ATP11C: variants seen among roughly 807,000 people sequenced by gnomAD.
ATP11C encodes the protein ATPase phospholipid transporting 11C (ATP11C blood group).
Under a neutral mutation model 97.4 loss-of-function variants are expected in ATP11C, and 36 were observed. That is an observed-to-expected ratio of 0.37 (90% CI 0.28 to 0.49). The LOEUF is 0.49. Among genes scored for constraint, ATP11C ranks in the 20% least tolerant of loss-of-function variants. ATP11C has a pLI of 0.98. For synonymous variants in ATP11C, 275 were observed against 290.9 expected, an observed-to-expected ratio of 0.95 and a Z score of 0.56; for missense variants, 730 against 824.6, an observed-to-expected ratio of 0.89 and a Z score of 1.40.
intron 1 of ATP11C, among the ~76,000 whole-genome samples, chrX:139,861,649 G>A (rs1276759216): frequency 9.0e-6 from 1 of 110,584 alleles, no homozygotes; most frequent in East Asian, 2.9e-4. Context: ...AAAAAGGAGC[G>A]AAGCCAAAAT....
At chrX:139,796,249 T>C (rs2082792569) in intron 12 of ATP11C, 24 bp downstream of exon 12, 1 of 1,093,774 alleles carries the variant, frequency 9.1e-7, no homozygotes, top group East Asian at 3.1e-5. Flanking sequence ...TGACAAATTA[T>C]TTTAAGTAAA....
intron 1 of ATP11C, among the ~76,000 whole-genome samples, chrX:139,887,642 GA>G (rs1385376585): frequency 9.1e-6 from 1 of 109,401 alleles, no homozygotes; most frequent in Non-Finnish European, 1.9e-5. Flanking sequence ...GACAACACAA[GA>G]CTGAAAAATG....
At chrX:139,908,608 G>A (rs2085020296) in intron 1 of ATP11C, among the ~76,000 whole-genome samples, 1 of 112,105 alleles carries the variant, frequency 8.9e-6, no homozygotes, top group Non-Finnish European at 1.9e-5. Context: ...ATGTTGGGGT[G>A]GATATGAGTT....
At chrX:139,911,296 C>T (rs1427316753) in intron 1 of ATP11C, among the ~76,000 whole-genome samples, 1 of 110,718 alleles carries the variant, frequency 9.0e-6, no homozygotes, top group Non-Finnish European at 1.9e-5. Flanking sequence ...AAAGATAACC[C>T]AATAGAAAAT....
chrX:139,740,150 A>T (rs950812269), intron 27 of ATP11C, among the ~76,000 whole-genome samples: 4 of 112,016 alleles, frequency 3.6e-5, no homozygotes, highest in African/African-American at 1.3e-4. Flanking sequence ...GAAATCTTAC[A>T]CTATGGCTTG....
At chrX:139,856,676 A>G (rs2084094890) in intron 1 of ATP11C, among the ~76,000 whole-genome samples, 1 of 112,456 alleles carries the variant, frequency 8.9e-6, no homozygotes, top group Admixed American at 9.4e-5. Context: ...TACCAGATCA[A>G]TTTAAAGCCC....
At chrX:139,910,589 G>C (rs1569490837) in intron 1 of ATP11C, among the ~76,000 whole-genome samples, 1 of 106,684 alleles carries the variant, frequency 9.4e-6, no homozygotes, top group African/African-American at 3.5e-5. Context: ...CTGGGTGACA[G>C]AGTGAGACTC....
chrX:139,760,337 T>G (rs901796061), intron 22 of ATP11C, among the ~76,000 whole-genome samples: 2 of 105,510 alleles, frequency 1.9e-5, no homozygotes, highest in Admixed American at 1.9e-4. Context: ...TCCACAGTGT[T>G]TGGCCTGGCT....
At chrX:139,760,047 C>G (rs1017358058) in intron 22 of ATP11C, among the ~76,000 whole-genome samples, 1 of 111,684 alleles carries the variant, frequency 9.0e-6, no homozygotes, top group African/African-American at 3.3e-5. Flanking sequence ...TTACTGGGTG[C>G]AAGGCCCAAA....
At chrX:139,812,770 T>G (rs1313571096) in intron 5 of ATP11C, among the ~76,000 whole-genome samples, 1 of 111,367 alleles carries the variant, frequency 9.0e-6, no homozygotes, top group Non-Finnish European at 1.9e-5. Context: ...TCCACCCAAC[T>G]TGGCCTCCCA....
Position 139,769,260 on chromosome X carries a change from A to G in ATP11C, c.2217-826T>C, listed in dbSNP as rs185216077. 2.2e-3 allele frequency among the ~76,000 whole-genome samples: 182 copies of G among 81,361 alleles called. 1 individual carries two copies. The highest frequency in any genetic ancestry group is 6.8e-3 in the African/African-American group (156 of 22,837). 70.7% of individuals were successfully genotyped at this position (81,361 alleles called of 115,157 possible). A position where few individuals can be genotyped will look rare whatever the true frequency, so the allele number is the denominator to read the frequency against. Reference sequence around the variant, plus strand: ...TCCCTAGCAATATAGGGAAAAGACAAATGGCTTTGGGGCAAACATACATAT... The same window carrying G: ...TCCCTAGCAATATAGGGAAAAGACAGATGGCTTTGGGGCAAACATACATAT... On this transcript the variant is annotated intron_variant, in intron 19 of 29. Coordinates refer to ENST00000682941, the MANE Select transcript of ATP11C (RefSeq NM_001353812.2).
chrX:139,780,522 A>C (rs1171138392), intron 18 of ATP11C, among the ~76,000 whole-genome samples: 1 of 110,487 alleles, frequency 9.1e-6, no homozygotes, highest in Non-Finnish European at 1.9e-5. Context: ...AAAAAAAAAA[A>C]CCCTGAGAAC....
At chrX:139,744,815 A>G (rs2081645871) in intron 25 of ATP11C, among the ~76,000 whole-genome samples, 1 of 111,725 alleles carries the variant, frequency 9.0e-6, no homozygotes, top group Admixed American at 9.5e-5. Flanking sequence ...TATGATTAAT[A>G]ATTTTCATGG....
chrX:139,904,325 C>T (rs2084941742), intron 1 of ATP11C, among the ~76,000 whole-genome samples: 1 of 109,937 alleles, frequency 9.1e-6, no homozygotes, highest in African/African-American at 3.3e-5. Context: ...GTCGGGAGTT[C>T]GAGATCAGCC....
intron 19 of ATP11C, among the ~76,000 whole-genome samples, chrX:139,773,719 T>C (rs764692132): frequency 8.9e-6 from 1 of 112,431 alleles, no homozygotes; most frequent in African/African-American, 3.2e-5. Flanking sequence ...CACAGCCTCA[T>C]GAATGTGGGC....
Position 139,803,685 on chromosome X carries a change from C to CTTTTTTTTTTTTTTTTTT in ATP11C, c.555+768_555+785dup, listed in dbSNP as rs140315105. Among the ~76,000 whole-genome samples, 3 of 38,265 alleles carry CTTTTTTTTTTTTTTTTTT rather than the reference C, an allele frequency of 7.8e-5. 1 individual carries two copies. Among genetic ancestry groups the CTTTTTTTTTTTTTTTTTT allele is most frequent in the African/African-American group, 3.1e-4 (3 of 9,558 alleles). The allele number at this position is 38,265 out of a possible 115,157, so 33.2% of individuals were successfully genotyped here. ...AAACATTTTCCAAACTACACCCTATCTTTTTTTTTTTTTTTTTTTTTTTTT... is the reference window on the plus strand; with the variant it reads ...AAACATTTTCCAAACTACACCCTATCTTTTTTTTTTTTTTTTTTTTTTTTTTTTTTTTTTTTTTTTTTT... On this transcript the variant is annotated intron_variant, in intron 6 of 29. Transcript: ENST00000682941.
intron 1 of ATP11C, among the ~76,000 whole-genome samples, chrX:139,894,433 C>T (rs2084775908): frequency 9.0e-6 from 1 of 111,461 alleles, no homozygotes; most frequent in Non-Finnish European, 1.9e-5. Flanking sequence ...GTGAGAGCTA[C>T]AAAAATGGAT....
intron 1 of ATP11C, among the ~76,000 whole-genome samples, chrX:139,855,140 T>C (rs750527677): frequency 4.5e-5 from 5 of 111,720 alleles, no homozygotes; most frequent in African/African-American, 6.5e-5. Flanking sequence ...ACAGGAAGCA[T>C]TGTCAAATAT....
chrX:139,896,996 G>C (rs1241981739), intron 1 of ATP11C, among the ~76,000 whole-genome samples: 2 of 111,193 alleles, frequency 1.8e-5, no homozygotes, highest in Non-Finnish European at 3.8e-5. Flanking sequence ...GGAAGGCCGA[G>C]GTGGGCAGAT....
Sources: allele counts gnomAD v4.1 joint callset (sites outside exome capture counted in the v4.1 genomes callset), GRCh38; gene constraint gnomAD v4.1.1; transcripts MANE v1.5; gene names NCBI Gene and HGNC (gene_info 2026-07-23, HGNC 2026-07-21).